The following AGAP1 variants were observed in gnomAD, a reference collection of about 807,000 sequenced individuals.
The protein encoded by AGAP1 is ArfGAP with GTPase domain, ankyrin repeat and PH domain 1.
Under a neutral mutation model 105.3 loss-of-function variants are expected in AGAP1, and 29 were observed. That is an observed-to-expected ratio of 0.28 (90% CI 0.21 to 0.38). AGAP1 has a LOEUF of 0.38. Ranked by LOEUF, AGAP1 falls within the 10% of genes least tolerant of loss-of-function variation. The probability of loss-of-function intolerance (pLI) is 1.00; values close to 1 mark genes in which losing one functional copy is unlikely to be tolerated. For missense variants in AGAP1, 998 were observed against 1,165.1 expected, an observed-to-expected ratio of 0.86 and a Z score of 2.09; for synonymous variants, 509 against 485.9, an observed-to-expected ratio of 1.05 and a Z score of -0.63.
At chr2:235,796,598 T>TA (rs1299440693) in intron 6 of AGAP1, among the ~76,000 whole-genome samples, 1 of 152,240 alleles carries the variant, frequency 6.6e-6, no homozygotes, top group Non-Finnish European at 1.5e-5. Flanking sequence ...ATCATATTTA[T>TA]ACTATCATTC....
chr2:235,820,028 C>A (rs1420693289), intron 9 of AGAP1, among the ~76,000 whole-genome samples: 3 of 151,776 alleles, frequency 2.0e-5, no homozygotes, highest in Non-Finnish European at 4.4e-5. Context: ...CTCAGCCTCC[C>A]GGCTAGCTGA....
intron 1 of AGAP1, among the ~76,000 whole-genome samples, chr2:235,686,556 T>TATACAC (rs550721460): frequency 2.6e-3 from 262 of 101,842 alleles, no homozygotes; most frequent in African/African-American, 9.3e-3. Context: ...GATATATATA[T>TATACAC]ACACACACAC....
intron 15 of AGAP1, among the ~76,000 whole-genome samples, chr2:236,041,951 G>T (rs923018520): frequency 6.6e-6 from 1 of 152,224 alleles, no homozygotes; most frequent in Non-Finnish European, 1.5e-5. Flanking sequence ...AAAGGGAGTG[G>T]CTTGAGGAGA....
intron 16 of AGAP1, among the ~76,000 whole-genome samples, chr2:236,099,184 G>C (rs1239601108): frequency 6.6e-6 from 1 of 152,060 alleles, no homozygotes; most frequent in Non-Finnish European, 1.5e-5. Flanking sequence ...CAGGTGCGGT[G>C]GCTCACGCCT....
rs1160931286 is a variant in AGAP1, at chr2:235,976,770, A to G, written c.1645+8147A>G. Among the ~76,000 whole-genome samples the G allele has an allele frequency of 6.6e-6, 1 of 152,208 alleles. No individual in the cohort carries two copies. Among genetic ancestry groups the G allele is most frequent in the Non-Finnish European group, 1.5e-5 (1 of 68,030 alleles). On this transcript the variant is annotated intron_variant, in intron 13 of 17. Transcript: ENST00000304032. The surrounding 1 kb of genome is among the most constrained non-coding windows in gnomAD (Gnocchi z 4.5). ...CACCCCCAGCTGCCTGGAGGACCTC[A>G]GGGAGGTTCCCCAAAGGGGAGTAGA...
intron 9 of AGAP1, among the ~76,000 whole-genome samples, chr2:235,868,131 T>TAAGACAAA (rs1276077256): frequency 6.6e-6 from 1 of 151,658 alleles, no homozygotes; most frequent in Admixed American, 6.6e-5. Flanking sequence ...ATGCAAATCA[T>TAAGACAAA]AAGACACTAA....
chr2:235,652,102 A>G (rs933761717), intron 1 of AGAP1, among the ~76,000 whole-genome samples: 7 of 152,326 alleles, frequency 4.6e-5, no homozygotes, highest in African/African-American at 1.7e-4. Context: ...ATTTCATTTG[A>G]AAGACACCTG....
chr2:236,046,165 A>G lies in AGAP1; in HGVS notation c.1892-2894A>G, dbSNP rs2057712483. ...GGAGGTTCTGGTAAGAGCTTAGGCAAGTGGCTATGGGGATCCAGATGTGAG... is the reference window on the plus strand; with the variant it reads ...GGAGGTTCTGGTAAGAGCTTAGGCAGGTGGCTATGGGGATCCAGATGTGAG... On this transcript the variant is annotated intron_variant, in intron 15 of 17. Coordinates refer to ENST00000304032, the MANE Select transcript of AGAP1 (RefSeq NM_001037131.3). The surrounding 1 kb of genome is among the most constrained non-coding windows in gnomAD (Gnocchi z 5.2). 2 of 394,738 alleles carry G rather than the reference A, an allele frequency of 5.1e-6. No individual in the cohort carries two copies. Among genetic ancestry groups the G allele is most frequent in the Non-Finnish European group, 5.3e-6 (1 of 188,418 alleles). 24.5% of individuals were successfully genotyped at this position (394,738 alleles called of 1,614,324 possible).
chr2:235,604,094 A>T (rs780497381), intron 1 of AGAP1, among the ~76,000 whole-genome samples: 5 of 151,466 alleles, frequency 3.3e-5, no homozygotes, highest in African/African-American at 4.8e-5. Flanking sequence ...TCCTTTTAAT[A>T]TAAATATATC....
At chr2:235,618,793 GCC>G (rs916639206) in intron 1 of AGAP1, among the ~76,000 whole-genome samples, 1 of 152,098 alleles carries the variant, frequency 6.6e-6, no homozygotes, top group African/African-American at 2.4e-5. Flanking sequence ...CGTAATAACG[GCC>G]CCCAAAGATG....
At chr2:235,853,248 C>T (rs1264082072) in intron 9 of AGAP1, 8 of 1,001,900 alleles carry the variant, frequency 8.0e-6, no homozygotes, top group Admixed American at 1.2e-4. Context: ...GAGAGAAAAA[C>T]GGGGTAAAAT....
In AGAP1 at chr2:235,703,966, C is replaced by T. The variant is rs374986422; in HGVS notation, c.164-5213C>T. On this transcript the variant is annotated intron_variant, in intron 1 of 17. Transcript: ENST00000304032. Reference sequence around the variant, plus strand: ...CTGGGATTACAGGGGTGAGCCACCTCGCGCCCGACCAGAAATGCTTCTATT... The same window carrying T: ...CTGGGATTACAGGGGTGAGCCACCTTGCGCCCGACCAGAAATGCTTCTATT... Among the ~76,000 whole-genome samples, 20 of 152,294 alleles carry T rather than the reference C, an allele frequency of 1.3e-4. No individual in the cohort carries two copies. The South Asian group carries it at 3.1e-3, about 24-fold the overall frequency.
chr2:235,802,962 GTGA>G (rs1445841099), intron 8 of AGAP1, among the ~76,000 whole-genome samples: 2 of 91,450 alleles, frequency 2.2e-5, no homozygotes, highest in African/African-American at 4.2e-5. Context: ...GATGATGGTT[GTGA>G]TGATGGTTGT....
rs200415065 is a variant in AGAP1 at position 235,930,910 on chromosome 2, G to T, written c.1470G>T (p.Ser490=). ...GTGAGGCTACGGTCATTGCAAACTC[G>T]GCCATCAGCAGTGGTAAGAGGGGGC... ...QWSEATVIAN[S]AISSDTGLGD... The change falls in exon 12 of 18, where the codon TCG becomes TCT. Residue 490 remains serine, a synonymous_variant. Transcript: ENST00000304032. The surrounding 1 kb of genome is among the most constrained non-coding windows in gnomAD (Gnocchi z 7.9). 6.2e-7 allele frequency: 1 copy of T among 1,613,670 alleles called. No individual in the cohort carries two copies. Among genetic ancestry groups the T allele is most frequent in the Admixed American group, 1.7e-5 (1 of 59,994 alleles).
chr2:235,773,624 A>C (rs971569241), intron 6 of AGAP1, among the ~76,000 whole-genome samples: 2 of 151,976 alleles, frequency 1.3e-5, no homozygotes, highest in African/African-American at 4.8e-5. Context: ...CTGCCCCCAT[A>C]CTCTGTTCTA....
chr2:235,593,213 C>T (rs976875745), intron 1 of AGAP1, among the ~76,000 whole-genome samples: 1 of 152,148 alleles, frequency 6.6e-6, no homozygotes, highest in African/African-American at 2.4e-5. Context: ...TTCCTGAGCC[C>T]TCAAGGAGAT....
At chr2:235,595,251 C>T (rs1945487704) in intron 1 of AGAP1, among the ~76,000 whole-genome samples, 1 of 152,190 alleles carries the variant, frequency 6.6e-6, no homozygotes, top group Non-Finnish European at 1.5e-5. Flanking sequence ...TGCCTGGAAA[C>T]AGCTCCTGGG....
At chr2:235,809,885 G>A (rs1385955631) in intron 9 of AGAP1, among the ~76,000 whole-genome samples, 2 of 152,178 alleles carry the variant, frequency 1.3e-5, no homozygotes, top group Non-Finnish European at 2.9e-5. Context: ...TGCTTATTAT[G>A]TAAGTGCTGT....
chr2:235,837,561 G>T lies in AGAP1; in HGVS notation c.1050+30230G>T, dbSNP rs547539107. On this transcript the variant is annotated intron_variant, in intron 9 of 17. Coordinates refer to ENST00000304032, the MANE Select transcript of AGAP1 (RefSeq NM_001037131.3). ...ACCTCTTGAACCTCAGTTAACTCAG[G>T]TGCAGAATGAGGATGATAGAACAAC... Among the ~76,000 whole-genome samples the T allele has an allele frequency of 5.2e-4, 79 of 152,238 alleles. 2 individuals carry two copies. The South Asian group carries it at 7.0e-3, about 14-fold the overall frequency.
Sources: allele counts gnomAD v4.1 joint callset (sites outside exome capture counted in the v4.1 genomes callset), GRCh38; gene constraint gnomAD v4.1.1; non-coding constraint Gnocchi (gnomAD v3.1); transcripts MANE v1.5; gene names NCBI Gene and HGNC (gene_info 2026-07-23, HGNC 2026-07-21).